Variants in DNAJC8 observed in about 807,000 individuals in gnomAD.
DNAJC8 encodes DnaJ heat shock protein family (Hsp40) member C8, also known as dnaJ homolog subfamily C member 8.
Under a neutral mutation model 43.2 loss-of-function variants are expected in DNAJC8, and 24 were observed. The observed-to-expected ratio is 0.56, with a 90% CI of 0.40 to 0.78. The LOEUF (loss-of-function observed/expected upper bound fraction) is 0.78. DNAJC8 is among the 30% of genes least tolerant of loss of function. The pLI, the probability that DNAJC8 is intolerant of heterozygous loss-of-function variation, is 0.00. For missense variants in DNAJC8, 207 were observed against 299.4 expected, an observed-to-expected ratio of 0.69 and a Z score of 2.28; for synonymous variants, 83 against 98.0, an observed-to-expected ratio of 0.85 and a Z score of 0.90.
At chr1:28,224,312 G>C (rs528456267) in intron 2 of DNAJC8, among the ~76,000 whole-genome samples, 1 of 152,212 alleles carries the variant, frequency 6.6e-6, no homozygotes, top group East Asian at 1.9e-4. Flanking sequence ...CTGTCGCCCA[G>C]GCTGGAGTGC....
rs1312409777 is a variant in DNAJC8, at chr1:28,228,957, G to C, written c.145C>G (p.Pro49Ala). 20 of 1,613,236 alleles carry C rather than the reference G, an allele frequency of 1.2e-5. No individual in the cohort carries two copies. The Admixed American group carries it at 1.5e-4, about 12-fold the overall frequency. Reference sequence around the variant, plus strand: ...TTCAAATTGAAGTAAGAGGAACCAGGACGGGTCAGTCTTTCAATCTGATTT... The same window carrying C: ...TTCAAATTGAAGTAAGAGGAACCAGCACGGGTCAGTCTTTCAATCTGATTT... ...SKNQIERLTR[P>A]GSSYFNLNPF... The change falls in exon 2 of 9, where the codon CCT becomes GCT. Residue 49 changes from proline (P) to alanine (A), a missense_variant. Around this residue, in one of 2 missense-constraint regions of DNAJC8, gnomAD observed 159 missense variants for 267.5 expected, o/e 0.59. Coordinates refer to ENST00000263697, the MANE Select transcript of DNAJC8 (RefSeq NM_014280.3).
intron 8 of DNAJC8, 57 bp downstream of exon 8, chr1:28,203,690 C>A (rs1646751358): frequency 1.1e-5 from 17 of 1,572,978 alleles, no homozygotes; most frequent in Non-Finnish European, 1.5e-5. Context: ...GGGAGCGCCA[C>A]AGGAACCAAG....
At chr1:28,223,831 T>C (rs939110549) in intron 2 of DNAJC8, among the ~76,000 whole-genome samples, 3 of 151,986 alleles carry the variant, frequency 2.0e-5, no homozygotes, top group South Asian at 2.1e-4. Context: ...GGTGTAAACA[T>C]ATATGTACAC....
At chr1:28,232,006 C>A (rs1217380466) in intron 1 of DNAJC8, among the ~76,000 whole-genome samples, 1 of 152,092 alleles carries the variant, frequency 6.6e-6, no homozygotes, top group Non-Finnish European at 1.5e-5. Flanking sequence ...CCGCCCGTCT[C>A]GGCCTCCCAA....
At chr1:28,208,956 G>A (rs926752261) in intron 5 of DNAJC8, 8 of 152,108 alleles carry the variant, frequency 5.3e-5, no homozygotes, top group African/African-American at 1.7e-4. Flanking sequence ...ATAAATATAC[G>A]AATTCATACA....
At chr1:28,223,009 G>A (rs934803451) in intron 2 of DNAJC8, among the ~76,000 whole-genome samples, 1 of 152,032 alleles carries the variant, frequency 6.6e-6, no homozygotes, top group Non-Finnish European at 1.5e-5. Flanking sequence ...AGGTACGGAG[G>A]GTGTCCACAG....
chr1:28,200,806 G>A lies in DNAJC8; in HGVS notation c.*442C>T, dbSNP rs1204711115. The stretch of plus-strand genomic sequence containing the variant: ...TGGGCCTTCGAAGGGAGCACACCCA[G>A]AAGCGAGCAACTGAAGCGAAGGGGC... On this transcript the variant is annotated 3_prime_UTR_variant, in exon 9 of 9. Transcript: ENST00000263697. 8.0e-6 allele frequency: 3 copies of A among 375,816 alleles called. No individual in the cohort carries two copies. The highest frequency in any genetic ancestry group is 7.2e-5 in the East Asian group (1 of 13,832). The allele number at this position is 375,816 out of a possible 1,614,324, so 23.3% of individuals were successfully genotyped here. A position where few individuals can be genotyped will look rare whatever the true frequency, so the allele number is the denominator to read the frequency against.
intron 8 of DNAJC8, among the ~76,000 whole-genome samples, chr1:28,202,765 G>A (rs1186950417): frequency 6.7e-6 from 1 of 149,388 alleles, no homozygotes; most frequent in East Asian, 2.0e-4. Flanking sequence ...TATTTTTTTA[G>A]TAGAGACAGG....
intron 8 of DNAJC8, 79 bp from the exon 9 acceptor site, chr1:28,201,449 C>T: frequency 6.3e-7 from 1 of 1,589,916 alleles, no homozygotes; most frequent in Admixed American, 1.7e-5. Flanking sequence ...ATCCACTCAC[C>T]CTCCTGTAGC....
intron 8 of DNAJC8, among the ~76,000 whole-genome samples, 184 bp from the exon 9 acceptor site, chr1:28,201,554 C>A (rs568968113): frequency 6.6e-6 from 1 of 152,156 alleles, no homozygotes; most frequent in African/African-American, 2.4e-5. Context: ...TTCGGGAGGC[C>A]GAGGCGGGCA....
Position 28,208,309 on chromosome 1 carries a change from A to C in DNAJC8, c.471+33T>G, listed in dbSNP as rs554056160. The C allele has an allele frequency of 7.7e-6, 12 of 1,565,084 alleles. No homozygotes were observed. In the African/African-American group the frequency reaches 1.4e-4, roughly 18 times the overall value. On this transcript the variant is annotated intron_variant, in intron 6 of 8. Transcript: ENST00000263697. ...CACCAATTCGTAGACACAATCACAC[A>C]AGATACAGTGGCTTTTCCTATATTT... is the stretch of plus-strand genomic sequence containing the variant.
chr1:28,218,024 C>T (rs1052752028), intron 2 of DNAJC8, among the ~76,000 whole-genome samples: 1 of 151,264 alleles, frequency 6.6e-6, no homozygotes, highest in Non-Finnish European at 1.5e-5. Flanking sequence ...CGTTGTTTTC[C>T]TATGGCTAAA....
Position 28,214,255 on chromosome 1 carries a change from C to T in DNAJC8, c.237+685G>A, listed in dbSNP as rs1340884594. 4.6e-5 allele frequency among the ~76,000 whole-genome samples: 7 copies of T among 152,022 alleles called. No individual in the cohort carries two copies. The South Asian group carries it at 6.2e-4, about 14-fold the overall frequency. ...AGTTGGCAAAAGATAAAATTACGGC[C>T]GGGTGCAGTGGCTCACACCGGTAAT... On this transcript the variant is annotated intron_variant, in intron 3 of 8. Transcript: ENST00000263697.
intron 8 of DNAJC8, among the ~76,000 whole-genome samples, chr1:28,201,600 C>T (rs1646733681): frequency 6.6e-6 from 1 of 151,990 alleles, no homozygotes; most frequent in Admixed American, 6.6e-5. Context: ...ACCAGCCTGG[C>T]CAACATGGTG....
chr1:28,216,058 G>T (rs1646851673), intron 2 of DNAJC8, among the ~76,000 whole-genome samples: 1 of 151,762 alleles, frequency 6.6e-6, no homozygotes, highest in Admixed American at 6.6e-5. Flanking sequence ...TTAGAGATGG[G>T]GTCTCCCTGG....
chr1:28,230,133 G>A (rs1453095824), intron 1 of DNAJC8: 1 of 152,040 alleles, frequency 6.6e-6, no homozygotes, highest in East Asian at 1.9e-4. Context: ...TCCCTGACCT[G>A]AAGACAATGC....
At chr1:28,222,457 G>A (rs1646905137) in intron 2 of DNAJC8, among the ~76,000 whole-genome samples, 1 of 129,954 alleles carries the variant, frequency 7.7e-6, no homozygotes, top group African/African-American at 3.0e-5. Context: ...CTACACTCCA[G>A]CCTGGGTGAT....
intron 2 of DNAJC8, among the ~76,000 whole-genome samples, chr1:28,224,952 C>G (rs557760912): frequency 6.7e-6 from 1 of 149,202 alleles, no homozygotes. Flanking sequence ...TTTTGAAAAT[C>G]TGAGGTAGGA....
intron 2 of DNAJC8, among the ~76,000 whole-genome samples, chr1:28,224,852 CCA>C (rs1646923167): frequency 6.6e-6 from 1 of 151,914 alleles, no homozygotes; most frequent in South Asian, 2.1e-4. Flanking sequence ...CCACTGCACT[CCA>C]GTCTGGGCAG....
Sources: allele counts gnomAD v4.1 joint callset (sites outside exome capture counted in the v4.1 genomes callset), GRCh38; gene constraint gnomAD v4.1.1; regional missense constraint gnomAD v4.1.1; transcripts MANE v1.5; gene names NCBI Gene and HGNC (gene_info 2026-07-23, HGNC 2026-07-21).